The following SMARCA2 variants were observed in gnomAD, a reference collection of about 807,000 sequenced individuals.
The protein encoded by SMARCA2 is SWI/SNF related BAF chromatin remodeling complex subunit ATPase 2, also known as SWI/SNF-related matrix-associated actin-dependent regulator of chromatin subfamily A member 2.
SMARCA2 carries 61 observed loss-of-function variants against 199.8 expected under a neutral mutation model. That is an observed-to-expected ratio of 0.31 (90% CI 0.25 to 0.38). The LOEUF (loss-of-function observed/expected upper bound fraction) is 0.38, where lower values mean the gene tolerates loss of function less well. SMARCA2 is among the 10% of genes least tolerant of loss of function. SMARCA2 has a pLI of 1.00. For missense variants in SMARCA2, 1,344 were observed against 2,012.2 expected, an observed-to-expected ratio of 0.67 and a Z score of 6.35; for synonymous variants, 935 against 732.0, an observed-to-expected ratio of 1.28 and a Z score of -4.48.
At chr9:2,089,046 T>C (rs945193956) in intron 19 of SMARCA2, among the ~76,000 whole-genome samples, 2 of 152,164 alleles carry the variant, frequency 1.3e-5, no homozygotes, top group African/African-American at 4.8e-5. Flanking sequence ...TAACATTTGA[T>C]GTTTGTGATG....
intron 7 of SMARCA2, among the ~76,000 whole-genome samples, chr9:2,057,492 A>G (rs1460229725): frequency 6.6e-6 from 1 of 152,202 alleles, no homozygotes; most frequent in Non-Finnish European, 1.5e-5. Flanking sequence ...AAGTTTTTGA[A>G]TGGGTGGGCA....
chr9:2,019,999 T>A (rs1438277739), intron 1 of SMARCA2, among the ~76,000 whole-genome samples: 2 of 152,176 alleles, frequency 1.3e-5, no homozygotes, highest in Non-Finnish European at 2.9e-5. Flanking sequence ...TTCCCAGCAT[T>A]TGCAAGTGGA....
chr9:2,164,974 T>G (rs1246500827), intron 28 of SMARCA2, among the ~76,000 whole-genome samples: 1 of 152,198 alleles, frequency 6.6e-6, no homozygotes, highest in Non-Finnish European at 1.5e-5. Flanking sequence ...CTCTTTAACT[T>G]GGTACTCAAG....
intron 4 of SMARCA2, chr9:2,040,277 A>G (rs1819549647): frequency 2.6e-6 from 1 of 381,912 alleles, no homozygotes; most frequent in Non-Finnish European, 4.7e-6. Flanking sequence ...GCCCCACTAG[A>G]GCCATTTTAT....
intron 29 of SMARCA2, among the ~76,000 whole-genome samples, chr9:2,178,906 G>A (rs1826811913): frequency 6.6e-6 from 1 of 152,186 alleles, no homozygotes; most frequent in Non-Finnish European, 1.5e-5. Context: ...TTTGATGTCT[G>A]TAAGAGAACC....
chr9:2,040,966 A>G (rs140799398), intron 4 of SMARCA2: 195 of 165,088 alleles, frequency 1.2e-3, no homozygotes, highest in African/African-American at 4.5e-3. Flanking sequence ...TTTGGATTCT[A>G]GGGAATGAGG....
intron 28 of SMARCA2, among the ~76,000 whole-genome samples, chr9:2,163,917 C>G (rs1825812743): frequency 6.6e-6 from 1 of 152,088 alleles, no homozygotes; most frequent in Non-Finnish European, 1.5e-5. Context: ...TGGGGGTCAG[C>G]AAATACATAA....
At chr9:2,133,648 A>T (rs1371914757) in intron 27 of SMARCA2, among the ~76,000 whole-genome samples, 2 of 137,134 alleles carry the variant, frequency 1.5e-5, no homozygotes, top group Non-Finnish European at 1.6e-5. Context: ...TCAGGATTTA[A>T]AAAAAAAAAA....
intron 27 of SMARCA2, among the ~76,000 whole-genome samples, chr9:2,156,407 T>C (rs1244150447): frequency 7.0e-6 from 1 of 143,142 alleles, no homozygotes. Flanking sequence ...AAGTTTACCA[T>C]TTTAGACTTT....
chr9:2,090,635 A>G (rs1358610485), intron 19 of SMARCA2, among the ~76,000 whole-genome samples: 3 of 152,108 alleles, frequency 2.0e-5, no homozygotes, highest in Admixed American at 1.3e-4. Context: ...TGCTTCTACC[A>G]TATTCCTTAT....
intron 7 of SMARCA2, 111 bp from the exon 8 acceptor site, chr9:2,058,180 T>C (rs1820437989): frequency 1.1e-6 from 1 of 910,306 alleles, no homozygotes; most frequent in Non-Finnish European, 1.7e-6. Flanking sequence ...ATTCTAGTCT[T>C]CCTATGCTGT....
At position 2,104,194 on chromosome 9, in the gene SMARCA2, G is replaced by A. The variant is rs372602429; in HGVS notation, c.3292+25G>A. On this transcript the variant is annotated intron_variant, in intron 23 of 33. Transcript: ENST00000349721. The surrounding 1 kb of genome is among the most constrained non-coding windows in gnomAD (Gnocchi z 4.0). Reference sequence around the variant, plus strand: ...GGTAAGTGCATAAGGCATTAGGCTCGGAAGCCATACTACTGAAAATGAAGG... The same window carrying A: ...GGTAAGTGCATAAGGCATTAGGCTCAGAAGCCATACTACTGAAAATGAAGG... 1.6e-4 allele frequency: 259 copies of A among 1,597,350 alleles called. 1 individual carries two copies. The South Asian group carries it at 1.9e-3, about 12-fold the overall frequency.
In SMARCA2 at chr9:2,070,436, G is replaced by A; in HGVS notation, c.1711G>A (p.Glu571Lys). 6.2e-7 allele frequency: 1 copy of A among 1,613,984 alleles called. No homozygotes were observed. Among genetic ancestry groups the A allele is most frequent in the Non-Finnish European group, 8.5e-7 (1 of 1,179,906 alleles). Reference protein sequence around the residue: ...RRKKKAEENAEGGESALGPDG... With the variant: ...RRKKKAEENAKGGESALGPDG... Reference sequence around the variant, plus strand: ...TTTGCAGAAGGCTGAGGAGAATGCAGAGGGTGGGGAGTCTGCCCTGGGACC... The same window carrying A: ...TTTGCAGAAGGCTGAGGAGAATGCAAAGGGTGGGGAGTCTGCCCTGGGACC... Residue 571 changes from glutamate (E) to lysine (K), a missense_variant, in exon 10 of 34, where the codon GAG becomes AAG. Coordinates refer to ENST00000349721, the MANE Select transcript of SMARCA2 (RefSeq NM_003070.5).
rs1439067406 is a variant in SMARCA2 at position 2,017,985 on chromosome 9, AG to A, written c.-37+2583del. 1 of 152,250 alleles carries A rather than the reference AG, an allele frequency of 6.6e-6. No homozygotes were observed. The highest frequency in any genetic ancestry group is 1.5e-5 in the Non-Finnish European group (1 of 68,062). The allele number at this position is 152,250 out of a possible 1,614,324, so 9.4% of individuals were successfully genotyped here. ...GCGGGAGGCACCATGAGGGGGAAGA[AG>A]GCCTTGCTGGCCGCTGTTGCTTGTC... On this transcript the variant is annotated intron_variant, in intron 1 of 33. Transcript: ENST00000349721. This position sits in a 1 kb window ranked among gnomAD's most constrained non-coding sequence, Gnocchi z 8.8.
chr9:2,073,635 T>A lies in SMARCA2; in HGVS notation c.1935+12T>A, dbSNP rs1183797894. The A allele has an allele frequency of 6.3e-7, 1 of 1,588,454 alleles. No individual in the cohort carries two copies. The highest frequency in any genetic ancestry group is 8.6e-7 in the Non-Finnish European group (1 of 1,156,846). On this transcript the variant is annotated intron_variant, in intron 12 of 33. Transcript: ENST00000349721. ...ATTATGAGGAAGAGGTATGTATGTATCTCTGTTTGGGGTTTATTGGTTTGA... is the reference window on the plus strand; with the variant it reads ...ATTATGAGGAAGAGGTATGTATGTAACTCTGTTTGGGGTTTATTGGTTTGA...
chr9:2,166,966 C>G (rs1360921272), intron 28 of SMARCA2, among the ~76,000 whole-genome samples: 2 of 152,202 alleles, frequency 1.3e-5, no homozygotes, highest in Non-Finnish European at 2.9e-5. Context: ...CCTGCTGGCA[C>G]TTAATGATGT....
In SMARCA2 at chr9:2,191,336, GA is replaced by G; in HGVS notation, c.4669del (p.Arg1557GlyfsTer10). 1 of 1,614,198 alleles carries G rather than the reference GA, an allele frequency of 6.2e-7. No homozygotes were observed. Among genetic ancestry groups the G allele is most frequent in the Non-Finnish European group, 8.5e-7 (1 of 1,180,016 alleles). ...DKGRDKGKGK[K>X]RPNRGKAKPV... ...AAGGCCGGGACAAAGGGAAAGGCAA[GA>G]AAAGGCCAAATCGAGGAAAAGCCAA... On this transcript the variant is annotated frameshift_variant, in exon 33 of 34. Coordinates refer to ENST00000349721, the MANE Select transcript of SMARCA2 (RefSeq NM_003070.5). LOFTEE classifies it high-confidence loss of function.
chr9:2,139,576 A>G (rs1404716813), intron 27 of SMARCA2, among the ~76,000 whole-genome samples: 1 of 151,936 alleles, frequency 6.6e-6, no homozygotes, highest in Admixed American at 6.6e-5. Context: ...ATATATTTTT[A>G]TTTGCTGCCA....
At chr9:2,144,392 C>T (rs771809903) in intron 27 of SMARCA2, among the ~76,000 whole-genome samples, 31 of 152,104 alleles carry the variant, frequency 2.0e-4, no homozygotes, top group Non-Finnish European at 4.1e-4. Flanking sequence ...GGGGGTGGGA[C>T]AAGACCAGGT....
Sources: allele counts gnomAD v4.1 joint callset (sites outside exome capture counted in the v4.1 genomes callset), GRCh38; gene constraint gnomAD v4.1.1; non-coding constraint Gnocchi (gnomAD v3.1); transcripts MANE v1.5; gene names NCBI Gene and HGNC (gene_info 2026-07-23, HGNC 2026-07-21).